Variants in UACA observed in about 807,000 individuals in gnomAD.
UACA encodes the protein uveal autoantigen with coiled-coil domains and ankyrin repeats, also known as nuclear membrane binding protein.
A neutral mutation model predicts 160.5 loss-of-function variants in UACA; 112 were observed. The ratio of observed to expected loss-of-function variants is 0.70; its 90% CI spans 0.60 to 0.82. The LOEUF (loss-of-function observed/expected upper bound fraction) is 0.82. UACA is among the 40% of genes least tolerant of loss of function. UACA has a pLI of 0.00. For synonymous variants in UACA, 557 were observed against 568.4 expected (o/e 0.98, Z 0.29); for missense variants, 1,574 against 1,614.6 (o/e 0.97, Z 0.43).
intron 1 of UACA, chr15:70,703,318 A>C (rs2140972142): frequency 1.6e-6 from 2 of 1,266,940 alleles, no homozygotes; most frequent in African/African-American, 3.1e-5. Context: ...TACAGGAAGG[A>C]AGTAGCTGCT....
chr15:70,706,568 T>C (rs1009445232), intron 1 of UACA, among the ~76,000 whole-genome samples: 3 of 144,694 alleles, frequency 2.1e-5, no homozygotes, highest in African/African-American at 5.1e-5. Flanking sequence ...AACATACTCA[T>C]ACACACAAAC....
chr15:70,713,354 G>T (rs1402034495), intron 1 of UACA, among the ~76,000 whole-genome samples: 2 of 152,186 alleles, frequency 1.3e-5, no homozygotes, highest in African/African-American at 2.4e-5. Flanking sequence ...TAGGGAAGGA[G>T]ATGTGATGAA....
At chr15:70,735,219 G>T (rs1025859235) in intron 1 of UACA, among the ~76,000 whole-genome samples, 1 of 146,250 alleles carries the variant, frequency 6.8e-6, no homozygotes, top group African/African-American at 2.5e-5. Context: ...ATGGGGGGAA[G>T]GGCTGAAAAA....
chr15:70,679,316 T>A (rs1897399445), intron 10 of UACA, among the ~76,000 whole-genome samples: 1 of 151,650 alleles, frequency 6.6e-6, no homozygotes, highest in Non-Finnish European at 1.5e-5. Context: ...GGCAGGAGGA[T>A]CACTTGAACC....
At position 70,677,133 on chromosome 15, in the gene UACA, A is replaced by AT. The variant is rs759364060; in HGVS notation, c.1006dup (p.Met336AsnfsTer4). On this transcript the variant is annotated frameshift_variant, in exon 12 of 19. Coordinates refer to ENST00000322954, the MANE Select transcript of UACA (RefSeq NM_018003.4). LOFTEE classifies it high-confidence loss of function. The stretch of plus-strand genomic sequence containing the variant: ...CTCGCTTTCCAGATCATCAGCAACC[A>AT]TAACTTCCTAAATTTAAAAAGAACA... The AT allele has an allele frequency of 3.3e-5, 53 of 1,602,496 alleles. No individual in the cohort carries two copies. The highest frequency in any genetic ancestry group is 1.1e-5 in the Non-Finnish European group (13 of 1,174,180).
At position 70,763,446 on chromosome 15, in the gene UACA, C is replaced by T. The variant is rs1288791615; in HGVS notation, c.-39G>A. The T allele has an allele frequency of 2.2e-5, 28 of 1,284,042 alleles. No homozygotes were observed. Among genetic ancestry groups the T allele is most frequent in the Non-Finnish European group, 2.8e-5 (28 of 1,006,550 alleles). 79.5% of individuals were successfully genotyped at this position (1,284,042 alleles called of 1,614,324 possible). On this transcript the variant is annotated 5_prime_UTR_variant, in exon 1 of 19. Coordinates refer to ENST00000322954, the MANE Select transcript of UACA (RefSeq NM_018003.4). ...CTGGCCCCCGCGCGAACCTTAAAGG[C>T]TGCGGAGTGCCAGCGCGCAAGGAGT...
At chr15:70,670,380 A>C (rs1897094938) in intron 15 of UACA, among the ~76,000 whole-genome samples, 3 of 152,106 alleles carry the variant, frequency 2.0e-5, no homozygotes. Context: ...CAAACCCCAA[A>C]ACCAAGCCAG....
chr15:70,701,787 A>G, intron 1 of UACA: 2 of 1,268,768 alleles, frequency 1.6e-6, no homozygotes, highest in South Asian at 1.4e-5. Context: ...AGCAAACCAA[A>G]TTAATAAAAC....
At chr15:70,771,748 A>G in the UACA span, among the ~76,000 whole-genome samples, 1 of 152,344 alleles carries the variant, frequency 6.6e-6, no homozygotes, top group South Asian at 2.1e-4. Flanking sequence ...ACTTTGAACT[A>G]AGGTCTGAAT....
intron 3 of UACA, among the ~76,000 whole-genome samples, chr15:70,693,789 C>A (rs955464161): frequency 1.3e-5 from 2 of 151,990 alleles, no homozygotes; most frequent in African/African-American, 4.8e-5. Flanking sequence ...GGGATCCACA[C>A]AATAAATAGT....
chr15:70,707,568 TCAA>T (rs953230208), intron 1 of UACA, among the ~76,000 whole-genome samples: 58 of 151,968 alleles, frequency 3.8e-4, no homozygotes, highest in East Asian at 1.5e-3. Flanking sequence ...TTACTATGAC[TCAA>T]CAACAACAAC....
At chr15:70,663,283 G>C (rs1299720593) in intron 17 of UACA, among the ~76,000 whole-genome samples, 2 of 152,186 alleles carry the variant, frequency 1.3e-5, no homozygotes, top group Non-Finnish European at 2.9e-5. Context: ...GGCCGTCAGA[G>C]AAATGCAAAT....
At position 70,668,686 on chromosome 15, in the gene UACA, C is replaced by T. The variant is rs1352221163; in HGVS notation, c.1998G>A (p.Gln666=). The T allele has an allele frequency of 1.2e-6, 2 of 1,613,926 alleles. No homozygotes were observed. Among genetic ancestry groups the T allele is most frequent in the Non-Finnish European group, 1.7e-6 (2 of 1,180,008 alleles). Residue 666 remains glutamine (Q), a synonymous_variant, in exon 16 of 19, where the codon CAG becomes CAA. Transcript: ENST00000322954. The part of the protein sequence containing the change: ...EHEKSLSEIR[Q]LKRELENVKA... ...TAACATTCTCAAGTTCTCTCTTTAA[C>T]TGTCTAATTTCACTAAGTGATTTTT...
At chr15:70,719,286 A>G (rs1317269898) in intron 1 of UACA, among the ~76,000 whole-genome samples, 1 of 152,220 alleles carries the variant, frequency 6.6e-6, no homozygotes, top group East Asian at 1.9e-4. Context: ...ACAAAGGCCA[A>G]TTATGACATA....
rs1320626526 is a variant in UACA, at chr15:70,684,316, T to C, written c.733A>G (p.Asn245Asp). 2 of 1,613,592 alleles carry C rather than the reference T, an allele frequency of 1.2e-6. No individual in the cohort carries two copies. The highest frequency in any genetic ancestry group is 1.3e-5 in the African/African-American group (1 of 74,916). ...TTCAACAAGGTTAGAATGTCCAGAT[T>C]GTCACCAATTCTTGCATAGTAAGAA... The part of the protein sequence containing the change: ...DSSYYARIGD[N>D]LDILTLLKTA... Residue 245 changes from asparagine to aspartate, a missense_variant, in exon 8 of 19, where the codon AAT becomes GAT. By Grantham distance (23) the Asn-to-Asp change is conservative. Transcript: ENST00000322954.
intron 10 of UACA, 25 bp from the exon 11 acceptor site, chr15:70,678,231 G>T (rs762061299): frequency 1.5e-5 from 23 of 1,557,764 alleles, no homozygotes; most frequent in East Asian, 6.8e-5. Context: ...ACAACAAGGT[G>T]CCAGGCCAAT....
intron 5 of UACA, among the ~76,000 whole-genome samples, chr15:70,688,813 T>G (rs1897823399): frequency 6.6e-6 from 1 of 151,404 alleles, no homozygotes; most frequent in Non-Finnish European, 1.5e-5. Context: ...GTAAATGAGT[T>G]TGTTTATATA....
chr15:70,670,217 G>A (rs908515983), intron 15 of UACA, among the ~76,000 whole-genome samples: 5 of 152,162 alleles, frequency 3.3e-5, no homozygotes, highest in African/African-American at 1.2e-4. Flanking sequence ...ACCTTCTTCA[G>A]GGAGCATTTG....
intron 1 of UACA, among the ~76,000 whole-genome samples, chr15:70,729,080 T>C (rs1899236432): frequency 6.6e-6 from 1 of 152,230 alleles, no homozygotes; most frequent in African/African-American, 2.4e-5. Context: ...TCATATATAC[T>C]GCTGGTGGGA....
Sources: allele counts gnomAD v4.1 joint callset (sites outside exome capture counted in the v4.1 genomes callset), GRCh38; gene constraint gnomAD v4.1.1; transcripts MANE v1.5; gene names NCBI Gene and HGNC (gene_info 2026-07-23, HGNC 2026-07-21).